The following DNAH6 variants were observed in gnomAD, a reference collection of about 807,000 sequenced individuals.
The protein encoded by DNAH6 is axonemal beta dynein heavy chain 6.
A neutral mutation model predicts 491.4 loss-of-function variants in DNAH6; 340 were observed. That is an observed-to-expected ratio of 0.69 (90% confidence interval 0.63 to 0.76). The LOEUF (loss-of-function observed/expected upper bound fraction) is 0.76, where lower values mean the gene tolerates loss of function less well. Ranked by LOEUF, DNAH6 falls within the 30% of genes least tolerant of loss-of-function variation. The pLI, the probability that DNAH6 is intolerant of heterozygous loss-of-function variation, is 0.00. For synonymous variants in DNAH6, 1,603 were observed against 1,686.1 expected (o/e 0.95, Z 1.21); for missense variants, 4,443 against 4,972.2 (o/e 0.89, Z 3.20).
At chr2:84,750,560 C>T (rs566833238) in intron 63 of DNAH6, among the ~76,000 whole-genome samples, 10 of 152,032 alleles carry the variant, frequency 6.6e-5, no homozygotes, top group African/African-American at 9.7e-5. Context: ...GATCATATGA[C>T]GCCTTAGATT....
rs371507847 is a variant in DNAH6, at chr2:84,701,229, C to G, written c.7951C>G (p.Arg2651Gly). The change falls in exon 49 of 77, where the codon CGC (arginine) becomes GGC (glycine). Residue 2651 changes from arginine to glycine, a missense_variant. By Grantham distance (125) the Arg-to-Gly change is moderately radical. Around this residue, in one of 3 missense-constraint regions of DNAH6, gnomAD observed 2,977 missense variants for 3,296.6 expected, o/e 0.90. Coordinates refer to ENST00000389394, the MANE Select transcript of DNAH6 (RefSeq NM_001370.2). ...VHLSVSSMAE[R>G]YYNELRRRYY... ...CTTGAGTGTCTCCAGCATGGCAGAGCGCTATTACAATGAGCTGCGCAGGCG... is the reference window on the plus strand; with the variant it reads ...CTTGAGTGTCTCCAGCATGGCAGAGGGCTATTACAATGAGCTGCGCAGGCG... The G allele has an allele frequency of 2.6e-6, 4 of 1,551,732 alleles. No homozygotes were observed. The highest frequency in any genetic ancestry group is 3.5e-6 in the Non-Finnish European group (4 of 1,147,024).
rs1385997988 is a variant in DNAH6 at position 84,618,905 on chromosome 2, G to GGTCCGCTATT, written c.3573-779_3573-778insTCCGCTATTG. ...GTCAGGTCCGCTATTGGAACACAAAGGGAGCCACAGACAGTACGTCTGCAT... is the reference window on the plus strand; with the variant it reads ...GTCAGGTCCGCTATTGGAACACAAAGGTCCGCTATTGGAGCCACAGACAGTACGTCTGCAT... On this transcript the variant is annotated intron_variant, in intron 23 of 76. Coordinates refer to ENST00000389394, the MANE Select transcript of DNAH6 (RefSeq NM_001370.2). Among the ~76,000 whole-genome samples, 8 of 152,212 alleles carry GGTCCGCTATT rather than the reference G, an allele frequency of 5.3e-5. No homozygotes were observed. The South Asian group carries it at 1.7e-3, about 32-fold the overall frequency.
chr2:84,638,476 G>T (rs1689078931), intron 31 of DNAH6, among the ~76,000 whole-genome samples: 1 of 151,662 alleles, frequency 6.6e-6, no homozygotes, highest in Non-Finnish European at 1.5e-5. Flanking sequence ...AAGACCCCTT[G>T]TGTGCTCCAT....
chr2:84,496,419 T>A, the DNAH6 span, among the ~76,000 whole-genome samples: 1 of 152,238 alleles, frequency 6.6e-6, no homozygotes, highest in Non-Finnish European at 1.5e-5. Flanking sequence ...ATTCTGGGCT[T>A]ACAAAAATAT....
At chr2:84,732,509 G>T (rs533628420) in intron 61 of DNAH6, among the ~76,000 whole-genome samples, 2 of 152,250 alleles carry the variant, frequency 1.3e-5, no homozygotes, top group African/African-American at 4.8e-5. Context: ...AAAACACTAA[G>T]CTAAGACGTC....
intron 11 of DNAH6, among the ~76,000 whole-genome samples, chr2:84,572,607 G>A (rs897793941): frequency 2.0e-5 from 3 of 152,176 alleles, no homozygotes; most frequent in African/African-American, 7.2e-5. Flanking sequence ...AACATACAGG[G>A]TGTGTGCTAT....
At chr2:84,687,289 C>T (rs1476672343) in intron 44 of DNAH6, among the ~76,000 whole-genome samples, 2 of 152,098 alleles carry the variant, frequency 1.3e-5, no homozygotes, top group African/African-American at 4.8e-5. Flanking sequence ...GCCTCTTGTT[C>T]GAGTAAAACA....
intron 44 of DNAH6, 100 bp downstream of exon 44, chr2:84,686,657 G>A: frequency 6.7e-6 from 5 of 749,460 alleles, no homozygotes; most frequent in Middle Eastern, 2.9e-4. Flanking sequence ...CATGTGTGAG[G>A]AGTTAAGATC....
chr2:84,693,698 T>C lies in DNAH6; in HGVS notation c.7293-551T>C, dbSNP rs182617705. On this transcript the variant is annotated intron_variant, in intron 45 of 76. Coordinates refer to ENST00000389394, the MANE Select transcript of DNAH6 (RefSeq NM_001370.2). ...TTGCAGCGAGCCGAGATCACACCAC[T>C]GCATTCCAGCCTGGGCAACAGAGCA... Among the ~76,000 whole-genome samples the C allele has an allele frequency of 8.4e-3, 1,269 of 150,866 alleles. 9 individuals carry two copies. Among genetic ancestry groups the C allele is most frequent in the Non-Finnish European group, 0.014 (980 of 67,872 alleles).
At chr2:84,510,239 C>T in the DNAH6 span, among the ~76,000 whole-genome samples, 1 of 152,236 alleles carries the variant, frequency 6.6e-6, no homozygotes, top group Non-Finnish European at 1.5e-5. Flanking sequence ...GGTCTTTTCA[C>T]ATAGTCCCAT....
chr2:84,519,563 C>G lies in DNAH6; in HGVS notation c.225+1512C>G, dbSNP rs369896031. 2.0e-5 allele frequency among the ~76,000 whole-genome samples: 3 copies of G among 151,428 alleles called. No homozygotes were observed. In the East Asian group the frequency reaches 5.9e-4, roughly 30 times the overall value. On this transcript the variant is annotated intron_variant, in intron 2 of 76. Transcript: ENST00000389394. ...GAATGTATTTTTGTTATTGACTTCC[C>G]TCCCCTCAACTGCCTTCTCCTCTCC...
rs556637137 is a variant in DNAH6 at position 84,600,404 on chromosome 2, G to C, written c.2869-3935G>C. Among the ~76,000 whole-genome samples the C allele has an allele frequency of 5.9e-5, 9 of 152,134 alleles. No homozygotes were observed. The South Asian group carries it at 1.9e-3, about 32-fold the overall frequency. On this transcript the variant is annotated intron_variant, in intron 18 of 76. Coordinates refer to ENST00000389394, the MANE Select transcript of DNAH6 (RefSeq NM_001370.2). ...AGTAACTAAAGTCCATGCTTTATCT[G>C]AGTTTTTTTAGTTTTTACCTAACAT... is the stretch of plus-strand genomic sequence containing the variant.
chr2:84,611,127 A>G (rs1055177598), intron 21 of DNAH6, among the ~76,000 whole-genome samples: 1 of 151,016 alleles, frequency 6.6e-6, no homozygotes, highest in African/African-American at 2.5e-5. Flanking sequence ...TGTATTTCTG[A>G]TTTATTTTAT....
the DNAH6 span, among the ~76,000 whole-genome samples, chr2:84,460,793 G>A: frequency 1.3e-5 from 2 of 152,166 alleles, no homozygotes; most frequent in Non-Finnish European, 2.9e-5. Flanking sequence ...ACTAACGCAG[G>A]CCTCCATAAC....
intron 61 of DNAH6, among the ~76,000 whole-genome samples, chr2:84,732,524 A>T (rs1222613028): frequency 6.6e-6 from 1 of 152,254 alleles, no homozygotes; most frequent in African/African-American, 2.4e-5. Context: ...GACGTCCGTC[A>T]CAAAAGCCCA....
chr2:84,733,416 T>C, intron 61 of DNAH6, 28 bp from the exon 62 acceptor site: 1 of 1,543,444 alleles, frequency 6.5e-7, no homozygotes, highest in South Asian at 1.2e-5. Flanking sequence ...CCTTTGTGAA[T>C]TATTATTCAT....
intron 18 of DNAH6, among the ~76,000 whole-genome samples, chr2:84,596,222 G>A (rs13013322): frequency 0.68 from 103,828 of 152,112 alleles, 37,653 homozygotes; most frequent in East Asian, 0.86. Flanking sequence ...CAGGTGTACA[G>A]GTCTGAATTT....
At chr2:84,705,447 T>G in intron 51 of DNAH6, 39 bp from the exon 52 acceptor site, 1 of 1,478,760 alleles carries the variant, frequency 6.8e-7, no homozygotes, top group Non-Finnish European at 9.0e-7. Context: ...TTATATTACT[T>G]CATTTCAGTG....
chr2:84,653,313 T>G lies in DNAH6; in HGVS notation c.5079-6T>G. 2.0e-6 allele frequency: 3 copies of G among 1,493,934 alleles called. No homozygotes were observed. The highest frequency in any genetic ancestry group is 2.7e-6 in the Non-Finnish European group (3 of 1,120,656). 92.5% of individuals were successfully genotyped at this position (1,493,934 alleles called of 1,614,324 possible). A position where few individuals can be genotyped will look rare whatever the true frequency, so the allele number is the denominator to read the frequency against. On this transcript the variant is annotated splice_region_variant and splice_polypyrimidine_tract_variant and intron_variant, in intron 33 of 76. Transcript: ENST00000389394. The stretch of plus-strand genomic sequence containing the variant: ...TTCCTAATTGATTTTATTTTTGTTT[T>G]GACAGTGGAATCATATCTGACCTTT...
Sources: gnomAD v4.1 joint callset for allele counts (sites outside exome capture counted in the v4.1 genomes callset) on GRCh38, gnomAD v4.1.1 for gene constraint, gnomAD v4.1.1 regional missense constraint, MANE v1.5 for transcripts, NCBI Gene and HGNC (gene_info 2026-07-23, HGNC 2026-07-21) for gene names.